The following C12orf50 variants were observed in gnomAD, a reference collection of about 807,000 sequenced individuals.
The protein encoded by C12orf50 is uncharacterized protein C12orf50.
Under a neutral mutation model 61.6 loss-of-function variants are expected in C12orf50, and 35 were observed. That is an observed-to-expected ratio of 0.57 (90% CI 0.43 to 0.75). The LOEUF is 0.75. Among genes scored for constraint, C12orf50 ranks in the 30% least tolerant of loss-of-function variants. The pLI, the probability that C12orf50 is intolerant of heterozygous loss-of-function variation, is 0.00. For synonymous variants in C12orf50, 178 were observed against 161.5 expected (o/e 1.10, Z -0.77); for missense variants, 475 against 488.5 (o/e 0.97, Z 0.26).
intron 7 of C12orf50, among the ~76,000 whole-genome samples, chr12:87,991,661 T>A (rs1250286173): frequency 6.6e-6 from 1 of 152,082 alleles, no homozygotes; most frequent in African/African-American, 2.4e-5. Flanking sequence ...TTATGAGTCA[T>A]CAAGGAAATA....
chr12:88,003,153 A>G (rs931689362), intron 3 of C12orf50, among the ~76,000 whole-genome samples: 3 of 151,804 alleles, frequency 2.0e-5, no homozygotes, highest in East Asian at 1.9e-4. Flanking sequence ...TTTATTTATA[A>G]TTTCTAATTC....
chr12:88,025,663 C>T (rs569093961), intron 3 of C12orf50, among the ~76,000 whole-genome samples: 5 of 152,220 alleles, frequency 3.3e-5, no homozygotes, highest in Admixed American at 6.5e-5. Context: ...TGCTTGAACC[C>T]GGGAGGTGGA....
chr12:87,985,847 C>T lies in C12orf50; in HGVS notation c.1126+3G>A, dbSNP rs1365077636. The T allele has an allele frequency of 6.2e-7, 1 of 1,612,118 alleles. No homozygotes were observed. The highest frequency in any genetic ancestry group is 2.2e-5 in the East Asian group (1 of 44,890). On this transcript the variant is annotated splice_donor_region_variant and intron_variant, in intron 11 of 12. Coordinates refer to ENST00000298699, the MANE Select transcript of C12orf50 (RefSeq NM_152589.3). ...AGTAAACCACATCAACAAAGGACCT[C>T]ACCTGGACTGAGGTTGGGTTTGGGT...
At chr12:87,981,304 G>T (rs180732774) in intron 12 of C12orf50, among the ~76,000 whole-genome samples, 48 of 152,242 alleles carry the variant, frequency 3.2e-4, no homozygotes, top group South Asian at 1.0e-3. Context: ...GCTAGTAAGA[G>T]AATATAATTT....
intron 9 of C12orf50, among the ~76,000 whole-genome samples, chr12:87,987,101 C>T (rs1050509846): frequency 2.6e-5 from 4 of 152,028 alleles, no homozygotes; most frequent in African/African-American, 4.8e-5. Flanking sequence ...CACAAGTGAC[C>T]GCTGCACAGA....
intron 3 of C12orf50, among the ~76,000 whole-genome samples, chr12:88,025,948 A>C (rs2032689257): frequency 6.6e-6 from 1 of 152,234 alleles, no homozygotes; most frequent in Non-Finnish European, 1.5e-5. Context: ...GTAGAGTCTC[A>C]GTACCATTTA....
At chr12:88,005,252 T>C (rs1473682717) in intron 3 of C12orf50, among the ~76,000 whole-genome samples, 1 of 152,224 alleles carries the variant, frequency 6.6e-6, no homozygotes, top group Non-Finnish European at 1.5e-5. Flanking sequence ...TTGTTTGCTT[T>C]TTAATTTTTG....
chr12:87,995,162 G>A (rs544624192), intron 6 of C12orf50, among the ~76,000 whole-genome samples: 1 of 152,176 alleles, frequency 6.6e-6, no homozygotes, highest in East Asian at 1.9e-4. Flanking sequence ...AATACTCTCA[G>A]CTTTCCCCAT....
chr12:87,985,746 A>G, intron 11 of C12orf50, 104 bp downstream of exon 11: 1 of 1,112,058 alleles, frequency 9.0e-7, no homozygotes, highest in Non-Finnish European at 1.4e-6. Context: ...GCCAGGGTAA[A>G]GAAGAGGGGA....
rs988261214 is a variant in C12orf50 at position 88,021,295 on chromosome 12, T to C, written c.133+5193A>G. Among the ~76,000 whole-genome samples the C allele has an allele frequency of 7.6e-5, 3 of 39,242 alleles. No individual in the cohort carries two copies. In the Admixed American group the frequency reaches 1.0e-3, roughly 14 times the overall value. The allele number at this position is 39,242 out of a possible 152,430, so 25.7% of individuals were successfully genotyped here. A position where few individuals can be genotyped will look rare whatever the true frequency, so the allele number is the denominator to read the frequency against. ...AAAGATAGACTGCTACCTAGACTAA[T>C]AAAGACAAAAAAAAAAAAAGAGAAG... is the stretch of plus-strand genomic sequence containing the variant. On this transcript the variant is annotated intron_variant, in intron 3 of 12. Coordinates refer to ENST00000298699, the MANE Select transcript of C12orf50 (RefSeq NM_152589.3).
chr12:88,007,988 G>T (rs2031950246), intron 3 of C12orf50, among the ~76,000 whole-genome samples: 1 of 151,736 alleles, frequency 6.6e-6, no homozygotes, highest in East Asian at 1.9e-4. Flanking sequence ...TTTAATAGGT[G>T]ATCAATAAAC....
rs763679304 is a variant in C12orf50, at chr12:87,986,278, C to T, written c.922+34G>A. 3.5e-6 allele frequency: 5 copies of T among 1,437,376 alleles called. No individual in the cohort carries two copies. The South Asian group carries it at 3.8e-5, about 11-fold the overall frequency. 89.0% of individuals were successfully genotyped at this position (1,437,376 alleles called of 1,614,324 possible). A position where few individuals can be genotyped will look rare whatever the true frequency, so the allele number is the denominator to read the frequency against. The stretch of plus-strand genomic sequence containing the variant: ...TGATATTTAATCTCTTTTAAAATTA[C>T]AATTTAGAAATATCAAATATATAGA... On this transcript the variant is annotated intron_variant, in intron 10 of 12. Transcript: ENST00000298699.
chr12:88,026,702 A>G, intron 2 of C12orf50, 94 bp from the exon 3 acceptor site: 1 of 1,473,388 alleles, frequency 6.8e-7, no homozygotes, highest in Non-Finnish European at 9.2e-7. Flanking sequence ...ACACAAAAAC[A>G]ATTATAGTTA....
intron 3 of C12orf50, among the ~76,000 whole-genome samples, chr12:88,016,372 C>G (rs1030100201): frequency 6.6e-6 from 1 of 152,024 alleles, no homozygotes; most frequent in Non-Finnish European, 1.5e-5. Context: ...TAATCTTTGT[C>G]TAAGGTGAAA....
At chr12:88,026,163 G>T (rs2032699130) in intron 3 of C12orf50, among the ~76,000 whole-genome samples, 1 of 151,954 alleles carries the variant, frequency 6.6e-6, no homozygotes, top group Non-Finnish European at 1.5e-5. Flanking sequence ...TCTAAGCTTG[G>T]CTTCAGTTGT....
At chr12:87,986,139 A>G in intron 10 of C12orf50, 86 bp from the exon 11 acceptor site, 1 of 1,447,386 alleles carries the variant, frequency 6.9e-7, no homozygotes, top group Non-Finnish European at 9.6e-7. Flanking sequence ...AATACTTCAT[A>G]GCATAATGGA....
chr12:88,016,495 G>A (rs978444815), intron 3 of C12orf50, among the ~76,000 whole-genome samples: 1 of 152,146 alleles, frequency 6.6e-6, no homozygotes, highest in African/African-American at 2.4e-5. Context: ...CTGAGGTATT[G>A]AAATATTTCC....
rs562411727 is a variant in C12orf50 at position 88,010,262 on chromosome 12, T to C, written c.134-12072A>G. Among the ~76,000 whole-genome samples the C allele has an allele frequency of 1.1e-4, 17 of 152,092 alleles. No homozygotes were observed. The South Asian group carries it at 3.3e-3, about 30-fold the overall frequency. On this transcript the variant is annotated intron_variant, in intron 3 of 12. Transcript: ENST00000298699. ...ATCTGGTTGAACAAGTTCTATTATT[T>C]TGCTCTTCTTCAAGCATCTCTTGAC...
At chr12:88,010,282 C>G (rs2032046809) in intron 3 of C12orf50, among the ~76,000 whole-genome samples, 1 of 151,880 alleles carries the variant, frequency 6.6e-6, no homozygotes, top group South Asian at 2.1e-4. Context: ...TCAAGCATCT[C>G]TTGACTATTT....
Sources: gnomAD v4.1 joint callset for allele counts (sites outside exome capture counted in the v4.1 genomes callset) on GRCh38, gnomAD v4.1.1 for gene constraint, MANE v1.5 for transcripts, NCBI Gene and HGNC (gene_info 2026-07-23, HGNC 2026-07-21) for gene names.